MTMR7: variants seen among roughly 807,000 people sequenced by gnomAD.
MTMR7 encodes the protein myotubularin related protein 7, also known as phosphatidylinositol-3-phosphate phosphatase MTMR7.
A neutral mutation model predicts 81.2 loss-of-function variants in MTMR7; 76 were observed. That is an observed-to-expected ratio of 0.94 (90% CI 0.78 to 1.13). MTMR7 has a LOEUF of 1.13. Ranked by LOEUF, MTMR7 falls within the 50% of genes most tolerant of loss-of-function variation. MTMR7 has a pLI of 0.00. For synonymous variants in MTMR7, 372 were observed against 289.8 expected (o/e 1.28, Z -2.88); for missense variants, 1,044 against 820.0 (o/e 1.27, Z -3.34).
At chr8:17,336,079 A>G (rs184299676) in intron 6 of MTMR7, among the ~76,000 whole-genome samples, 219 of 152,296 alleles carry the variant, frequency 1.4e-3, no homozygotes, top group Admixed American at 3.2e-3. Context: ...GTTGGTCACC[A>G]CTTCCCTCTC....
intron 4 of MTMR7, among the ~76,000 whole-genome samples, chr8:17,356,083 C>T (rs72607373): frequency 0.34 from 51,453 of 152,076 alleles, 10,794 homozygotes; most frequent in Non-Finnish European, 0.46. Context: ...ATTACCAACA[C>T]CACTCTAGGT....
At chr8:17,337,362 C>CAA (rs1554511150) in intron 6 of MTMR7, among the ~76,000 whole-genome samples, 52 of 89,634 alleles carry the variant, frequency 5.8e-4, no homozygotes, top group Middle Eastern at 7.9e-3. Flanking sequence ...AACTCCGTCC[C>CAA]AAAAAAAAAA....
intron 5 of MTMR7, among the ~76,000 whole-genome samples, 173 bp downstream of exon 5, chr8:17,348,780 T>G (rs1320847083): frequency 2.0e-5 from 3 of 151,986 alleles, no homozygotes; most frequent in African/African-American, 4.8e-5. Flanking sequence ...GAAGTCTACA[T>G]GAGATAAGGA....
intron 4 of MTMR7, among the ~76,000 whole-genome samples, chr8:17,360,316 T>C (rs1820020193): frequency 6.6e-6 from 1 of 152,160 alleles, no homozygotes; most frequent in African/African-American, 2.4e-5. Flanking sequence ...GATGGCAGTT[T>C]TAGGTGATTT....
intron 10 of MTMR7, among the ~76,000 whole-genome samples, chr8:17,307,445 A>C (rs533791559): frequency 2.8e-4 from 42 of 151,350 alleles, no homozygotes; most frequent in African/African-American, 9.0e-4. Context: ...GTGGGACTGT[A>C]AACTAGTTCA....
intron 7 of MTMR7, among the ~76,000 whole-genome samples, chr8:17,330,318 A>C (rs1465881227): frequency 6.6e-6 from 1 of 152,204 alleles, no homozygotes; most frequent in African/African-American, 2.4e-5. Context: ...TCCCAGCTCC[A>C]GCTCTCCAGG....
rs1554511151 is a variant in MTMR7 at position 17,337,362 on chromosome 8, C to CCAA, written c.732+4000_732+4001insTTG. Among the ~76,000 whole-genome samples, 33 of 89,664 alleles carry CCAA rather than the reference C, an allele frequency of 3.7e-4. 1 individual carries two copies. The highest frequency in any genetic ancestry group is 3.2e-4 in the Non-Finnish European group (12 of 37,594). 58.8% of individuals were successfully genotyped at this position (89,664 alleles called of 152,430 possible). A position where few individuals can be genotyped will look rare whatever the true frequency, so the allele number is the denominator to read the frequency against. On this transcript the variant is annotated intron_variant, in intron 6 of 13. Coordinates refer to ENST00000180173, the MANE Select transcript of MTMR7 (RefSeq NM_004686.5). Reference sequence around the variant, plus strand: ...CCTGGGGGCGAGTAAAACTCCGTCCCAAAAAAAAAAAAAAAAAAAGTGCCT... The same window carrying CCAA: ...CCTGGGGGCGAGTAAAACTCCGTCCCCAAAAAAAAAAAAAAAAAAAAAGTGCCT...
chr8:17,310,475 A>C (rs1265031720), intron 9 of MTMR7, among the ~76,000 whole-genome samples: 1 of 152,190 alleles, frequency 6.6e-6, no homozygotes, highest in East Asian at 1.9e-4. Flanking sequence ...AATGAGAACA[A>C]GTTGATGATG....
At chr8:17,399,424 T>TAAG (rs200926068) in intron 1 of MTMR7, among the ~76,000 whole-genome samples, 2,134 of 151,662 alleles carry the variant, frequency 0.014, 64 homozygotes, top group African/African-American at 0.049. Context: ...CAATTTAACT[T>TAAG]AAGTAAAAGA....
intron 10 of MTMR7, among the ~76,000 whole-genome samples, chr8:17,306,754 T>C (rs191921088): frequency 2.6e-5 from 4 of 152,264 alleles, no homozygotes; most frequent in East Asian, 1.9e-4. Context: ...AGTGGGAACA[T>C]TGGAAATTGT....
intron 7 of MTMR7, among the ~76,000 whole-genome samples, chr8:17,329,556 G>T (rs770308594): frequency 6.6e-6 from 1 of 152,184 alleles, no homozygotes; most frequent in South Asian, 2.1e-4. Context: ...AGCCAAATGT[G>T]TATGCTATCA....
At chr8:17,352,868 C>A (rs1283355983) in intron 4 of MTMR7, among the ~76,000 whole-genome samples, 2 of 152,082 alleles carry the variant, frequency 1.3e-5, no homozygotes, top group Admixed American at 1.3e-4. Flanking sequence ...ATTATGTAAC[C>A]ACTATGGACA....
At chr8:17,346,521 T>C (rs1280085233) in intron 5 of MTMR7, among the ~76,000 whole-genome samples, 1 of 152,088 alleles carries the variant, frequency 6.6e-6, no homozygotes, top group Admixed American at 6.6e-5. Flanking sequence ...CGTGGAGCCA[T>C]GTGGGTCTGA....
chr8:17,405,168 T>C (rs972674771), intron 1 of MTMR7, among the ~76,000 whole-genome samples: 9 of 152,224 alleles, frequency 5.9e-5, no homozygotes, highest in Non-Finnish European at 4.4e-5. Flanking sequence ...TTATTTATTA[T>C]AGTGACAATA....
At chr8:17,340,969 C>G (rs1193570536) in intron 6 of MTMR7, among the ~76,000 whole-genome samples, 1 of 152,284 alleles carries the variant, frequency 6.6e-6, no homozygotes, top group African/African-American at 2.4e-5. Context: ...AAAATAATAG[C>G]TGAGTACTTC....
intron 1 of MTMR7, among the ~76,000 whole-genome samples, chr8:17,389,361 C>G (rs1342365284): frequency 1.3e-5 from 2 of 152,166 alleles, no homozygotes; most frequent in Non-Finnish European, 2.9e-5. Context: ...CTAATATTCC[C>G]TGCAGCACAA....
At chr8:17,373,352 T>A (rs949402745) in intron 1 of MTMR7, 112 bp from the exon 2 acceptor site, 12 of 1,327,536 alleles carry the variant, frequency 9.0e-6, no homozygotes, top group African/African-American at 9.0e-5. Context: ...TTTTTGAGAA[T>A]TCCCCCAATA....
At chr8:17,364,610 C>G (rs1422127431) in intron 3 of MTMR7, among the ~76,000 whole-genome samples, 1 of 152,144 alleles carries the variant, frequency 6.6e-6, no homozygotes, top group South Asian at 2.1e-4. Context: ...AACCACCATT[C>G]TACTCTCTGC....
intron 1 of MTMR7, among the ~76,000 whole-genome samples, chr8:17,390,446 C>T (rs1821072965): frequency 6.6e-6 from 1 of 152,148 alleles, no homozygotes; most frequent in Non-Finnish European, 1.5e-5. Context: ...TCCCACCAGG[C>T]CCAACCGCTA....
Sources: gnomAD v4.1 joint callset for allele counts (sites outside exome capture counted in the v4.1 genomes callset) on GRCh38, gnomAD v4.1.1 for gene constraint, MANE v1.5 for transcripts, NCBI Gene and HGNC (gene_info 2026-07-23, HGNC 2026-07-21) for gene names.